The following NXPE2 variants were observed in gnomAD, a reference collection of about 807,000 sequenced individuals.
NXPE2 encodes the protein neurexophilin and PC-esterase domain family member 2.
In NXPE2, 34 loss-of-function variants were observed where a neutral mutation model predicts 34.4. The ratio of observed to expected loss-of-function variants is 0.99; its 90% confidence interval spans 0.75 to 1.31. The LOEUF (loss-of-function observed/expected upper bound fraction) is 1.31, where lower values mean the gene tolerates loss of function less well. NXPE2 is among the 40% of genes most tolerant of loss of function. The pLI is 0.00. For missense variants in NXPE2, 649 were observed against 672.5 expected (o/e 0.97, Z 0.39); for synonymous variants, 235 against 231.3 (o/e 1.02, Z -0.15).
At chr11:114,775,743 C>T in the NXPE2 span, among the ~76,000 whole-genome samples, 1 of 152,060 alleles carries the variant, frequency 6.6e-6, no homozygotes, top group Non-Finnish European at 1.5e-5. Context: ...CTGGGAAGTT[C>T]AAGGTCATGG....
the NXPE2 span, among the ~76,000 whole-genome samples, chr11:114,635,646 C>A: frequency 6.6e-6 from 1 of 151,776 alleles, no homozygotes; most frequent in African/African-American, 2.4e-5. Flanking sequence ...CCCATCAATA[C>A]CTAATTTATT....
At chr11:114,490,054 C>T in the NXPE2 span, among the ~76,000 whole-genome samples, 1 of 152,288 alleles carries the variant, frequency 6.6e-6, no homozygotes, top group African/African-American at 2.4e-5. Flanking sequence ...CATTCTTATA[C>T]ACCAATAACA....
chr11:114,628,355 G>A, the NXPE2 span, among the ~76,000 whole-genome samples: 1 of 152,104 alleles, frequency 6.6e-6, no homozygotes, highest in Admixed American at 6.6e-5. Flanking sequence ...TAGAACTCAG[G>A]ATTAAGAATC....
At position 114,698,739 on chromosome 11, in the gene NXPE2, T is replaced by C. The variant is rs183305290; in HGVS notation, c.827T>C (p.Ile276Thr). The C allele has an allele frequency of 5.6e-5, 89 of 1,601,034 alleles. 1 individual carries two copies. The Admixed American group carries it at 1.5e-3, about 27-fold the overall frequency. Residue 276 changes from isoleucine to threonine, a missense_variant, in exon 3 of 6, where the codon ATT (isoleucine) becomes ACT (threonine). By Grantham distance (89) the Ile-to-Thr change is moderately conservative. Transcript: ENST00000389586. The part of the protein sequence containing the change: ...LTHMTTRTRN[I>T]SYLSKEEWRL... ...CACATGACCACTAGGACAAGAAATATTTCCTATCTTAGCAAGGAAGAATGG... is the reference window on the plus strand; with the variant it reads ...CACATGACCACTAGGACAAGAAATACTTCCTATCTTAGCAAGGAAGAATGG...
At chr11:114,623,802 C>A in the NXPE2 span, among the ~76,000 whole-genome samples, 1 of 150,752 alleles carries the variant, frequency 6.6e-6, no homozygotes, top group African/African-American at 2.4e-5. Context: ...CTATGGATAA[C>A]AAGAATTGCC....
At chr11:114,635,395 T>A in the NXPE2 span, among the ~76,000 whole-genome samples, 1 of 151,046 alleles carries the variant, frequency 6.6e-6, no homozygotes, top group Non-Finnish European at 1.5e-5. Flanking sequence ...AGATATACAA[T>A]CATGTCGTCT....
At chr11:114,634,126 T>C in the NXPE2 span, among the ~76,000 whole-genome samples, 2 of 151,576 alleles carry the variant, frequency 1.3e-5, no homozygotes, top group African/African-American at 4.8e-5. Flanking sequence ...CAGCACCTGT[T>C]GTTTCCTGAC....
At chr11:114,687,719 T>G (rs1196847519) in intron 2 of NXPE2, among the ~76,000 whole-genome samples, 2 of 152,126 alleles carry the variant, frequency 1.3e-5, no homozygotes, top group Admixed American at 1.3e-4. Flanking sequence ...TGATATAGAT[T>G]CTTCTAATCC....
At chr11:114,632,483 C>G in the NXPE2 span, among the ~76,000 whole-genome samples, 2 of 122,770 alleles carry the variant, frequency 1.6e-5, no homozygotes, top group Non-Finnish European at 1.6e-5. Flanking sequence ...CTATATAATA[C>G]TCCATAATAT....
chr11:114,725,994 A>ATATATATATATATATATATATAT, the NXPE2 span, among the ~76,000 whole-genome samples: 260 of 87,320 alleles, frequency 3.0e-3, 16 homozygotes, highest in Middle Eastern at 6.2e-3. Flanking sequence ...TATATATATA[A>ATATATATATATATATATATATAT]AAAGAAAAAG....
chr11:114,772,199 A>G, the NXPE2 span, among the ~76,000 whole-genome samples: 7 of 152,330 alleles, frequency 4.6e-5, no homozygotes, highest in East Asian at 1.4e-3. Context: ...AAGGATATCT[A>G]AGATAAGATA....
At chr11:114,585,568 T>C in the NXPE2 span, among the ~76,000 whole-genome samples, 1 of 152,038 alleles carries the variant, frequency 6.6e-6, no homozygotes, top group South Asian at 2.1e-4. Context: ...GATCAATTCA[T>C]CAAGAGAAAA....
the NXPE2 span, among the ~76,000 whole-genome samples, chr11:114,619,589 G>C: frequency 8.4e-5 from 12 of 143,078 alleles, no homozygotes; most frequent in Non-Finnish European, 1.7e-4. Context: ...TTGCCTCGTG[G>C]GTAACCAGTG....
At chr11:114,655,127 C>T in the NXPE2 span, among the ~76,000 whole-genome samples, 15 of 150,060 alleles carry the variant, frequency 1.0e-4, no homozygotes, top group African/African-American at 3.1e-4. Flanking sequence ...TATCTTCTTT[C>T]GAGAAGTGTC....
At chr11:114,713,169 G>A in the NXPE2 span, among the ~76,000 whole-genome samples, 1 of 152,084 alleles carries the variant, frequency 6.6e-6, no homozygotes, top group Non-Finnish European at 1.5e-5. Context: ...TAGTGTTTCC[G>A]GGTAAAAATG....
chr11:114,672,701 AC>A, the NXPE2 span, among the ~76,000 whole-genome samples: 1 of 151,978 alleles, frequency 6.6e-6, no homozygotes, highest in African/African-American at 2.4e-5. Flanking sequence ...CCATAATGTC[AC>A]CATGGATAAT....
the NXPE2 span, among the ~76,000 whole-genome samples, chr11:114,618,335 A>G: frequency 6.8e-4 from 103 of 151,924 alleles, no homozygotes; most frequent in African/African-American, 2.4e-3. Context: ...TTCTAGGGTA[A>G]CCACTGTTAC....
chr11:114,503,693 C>T, the NXPE2 span, among the ~76,000 whole-genome samples: 28 of 152,228 alleles, frequency 1.8e-4, no homozygotes, highest in Non-Finnish European at 3.2e-4. Context: ...TCAGGAATTA[C>T]GGAAGAAGAG....
the NXPE2 span, among the ~76,000 whole-genome samples, chr11:114,633,750 T>A: frequency 6.6e-6 from 1 of 151,934 alleles, no homozygotes; most frequent in East Asian, 1.9e-4. Flanking sequence ...TTACTGAGAA[T>A]GATGATTTCC....
Sources: gnomAD v4.1 joint callset for allele counts (sites outside exome capture counted in the v4.1 genomes callset) on GRCh38, gnomAD v4.1.1 for gene constraint, MANE v1.5 for transcripts, NCBI Gene and HGNC (gene_info 2026-07-23, HGNC 2026-07-21) for gene names.